PPP2R2B: variants seen among roughly 807,000 people sequenced by gnomAD.
The protein encoded by PPP2R2B is serine/threonine-protein phosphatase 2A 55 kDa regulatory subunit B beta isoform.
In PPP2R2B, 5 loss-of-function variants were observed where a neutral mutation model predicts 46.0. That is an observed-to-expected ratio of 0.11 (90% CI 0.06 to 0.23). PPP2R2B has a LOEUF of 0.23. Ranked by LOEUF, PPP2R2B falls within the 10% of genes least tolerant of loss-of-function variation. The probability of loss-of-function intolerance (pLI) is 1.00; values close to 1 mark genes in which losing one functional copy is unlikely to be tolerated. For missense variants in PPP2R2B, 367 were observed against 575.0 expected, an observed-to-expected ratio of 0.64 and a Z score of 3.70; for synonymous variants, 215 against 206.7, an observed-to-expected ratio of 1.04 and a Z score of -0.34.
intron 2 of PPP2R2B, among the ~76,000 whole-genome samples, chr5:146,795,227 G>C (rs911577581): frequency 2.6e-5 from 4 of 152,030 alleles, no homozygotes; most frequent in Non-Finnish European, 4.4e-5. Context: ...ATCTTGAAGA[G>C]ACATGTAAAC....
intron 1 of PPP2R2B, chr5:147,054,470 G>A (rs1756976951): frequency 3.3e-6 from 1 of 306,098 alleles, no homozygotes; most frequent in East Asian, 7.9e-5. Context: ...TTTTTAAAGG[G>A]AAATGTCCAA....
intron 2 of PPP2R2B, among the ~76,000 whole-genome samples, chr5:146,806,845 C>T (rs1380609910): frequency 6.6e-6 from 1 of 152,208 alleles, no homozygotes; most frequent in Non-Finnish European, 1.5e-5. Flanking sequence ...GACACTGCCG[C>T]CACCTGAGGA....
intron 4 of PPP2R2B, among the ~76,000 whole-genome samples, chr5:146,692,527 ATTTTTTTTTT>A (rs34156552): frequency 9.0e-6 from 1 of 111,066 alleles, no homozygotes; most frequent in Admixed American, 9.4e-5. Context: ...TTTTAATTCA[ATTTTTTTTTT>A]TTTTTTTTTT....
At chr5:147,016,800 A>T (rs1434889039) in intron 1 of PPP2R2B, among the ~76,000 whole-genome samples, 1 of 151,668 alleles carries the variant, frequency 6.6e-6, no homozygotes, top group African/African-American at 2.4e-5. Flanking sequence ...AGGCAAGAAG[A>T]CTTGAAATCC....
intron 1 of PPP2R2B, among the ~76,000 whole-genome samples, chr5:147,007,614 T>C (rs1283699391): frequency 1.3e-5 from 2 of 152,178 alleles, no homozygotes; most frequent in Non-Finnish European, 2.9e-5. Flanking sequence ...CAATAAATCT[T>C]GCTGCTGCTC....
rs370596265 is a variant in PPP2R2B, at chr5:146,929,350, T to A, written c.79+126315A>T. The stretch of plus-strand genomic sequence containing the variant: ...AGTTTCTAGAAATGTGCCTGGCATG[T>A]AATAGACATTCAAAAAACATCTGTT... On this transcript the variant is annotated intron_variant, in intron 1 of 8. Coordinates refer to the PPP2R2B transcript ENST00000336640. 1.6e-4 allele frequency among the ~76,000 whole-genome samples: 24 copies of A among 152,272 alleles called. 1 individual carries two copies. The East Asian group carries it at 1.9e-3, about 12-fold the overall frequency.
chr5:146,956,558 C>T (rs1374874961), intron 1 of PPP2R2B, among the ~76,000 whole-genome samples: 4 of 152,146 alleles, frequency 2.6e-5, no homozygotes, highest in Non-Finnish European at 5.9e-5. Context: ...CTTAAGAGTA[C>T]GCTCCATCTC....
chr5:146,686,289 G>T (rs1778496327), intron 5 of PPP2R2B, among the ~76,000 whole-genome samples: 1 of 152,156 alleles, frequency 6.6e-6, no homozygotes, highest in South Asian at 2.1e-4. Flanking sequence ...GAGGCAGACA[G>T]CGAAGAAAAT....
At chr5:146,983,826 A>AT (rs1021996126) in intron 1 of PPP2R2B, among the ~76,000 whole-genome samples, 30 of 151,326 alleles carry the variant, frequency 2.0e-4, no homozygotes, top group African/African-American at 5.1e-4. Context: ...TTCTTTTATA[A>AT]TTTTTTTTCT....
chr5:147,046,473 A>G (rs892793515), intron 1 of PPP2R2B, among the ~76,000 whole-genome samples: 1 of 152,190 alleles, frequency 6.6e-6, no homozygotes, highest in Non-Finnish European at 1.5e-5. Context: ...CAGAAAACTA[A>G]TGAGCCAGTC....
At chr5:147,078,219 C>T (rs1317927638) in intron 2 of PPP2R2B, among the ~76,000 whole-genome samples, 3 of 152,156 alleles carry the variant, frequency 2.0e-5, no homozygotes, top group African/African-American at 7.2e-5. Flanking sequence ...TAATAGCTTA[C>T]AAATATCGAG....
At chr5:146,714,761 T>G (rs963730656) in intron 2 of PPP2R2B, among the ~76,000 whole-genome samples, 2 of 152,140 alleles carry the variant, frequency 1.3e-5, no homozygotes, top group African/African-American at 4.8e-5. Context: ...ATATCAGCAT[T>G]TCAGAGATCC....
At chr5:146,754,938 C>T (rs775614509) in intron 2 of PPP2R2B, among the ~76,000 whole-genome samples, 2 of 152,138 alleles carry the variant, frequency 1.3e-5, no homozygotes, top group African/African-American at 4.8e-5. Flanking sequence ...CTAGAACCCC[C>T]CAGAGCTTAG....
rs948323876 is a variant in PPP2R2B at position 147,018,748 on chromosome 5, C to T, written c.79+36917G>A. ...GGGTTATGGACTGAATTAGGCAGTG[C>T]TCCATGCTGGCTTTGGACTACCAGC... is the stretch of plus-strand genomic sequence containing the variant. On this transcript the variant is annotated intron_variant, in intron 1 of 8. Transcript: ENST00000336640. Among the ~76,000 whole-genome samples, 14 of 152,256 alleles carry T rather than the reference C, an allele frequency of 9.2e-5. No individual in the cohort carries two copies. In the East Asian group the frequency reaches 2.5e-3, roughly 27 times the overall value.
Position 147,009,864 on chromosome 5 carries a change from TACACACACACAC to T in PPP2R2B, c.79+45789_79+45800del, listed in dbSNP as rs201299020. On this transcript the variant is annotated intron_variant, in intron 1 of 8. Coordinates refer to the PPP2R2B transcript ENST00000336640. The stretch of plus-strand genomic sequence containing the variant: ...ATATTTATATATATACACACACACA[TACACACACACAC>T]ACACACACACACACACACACACATA... 6.6e-5 allele frequency among the ~76,000 whole-genome samples: 9 copies of T among 136,668 alleles called. No individual in the cohort carries two copies. In the East Asian group the frequency reaches 1.5e-3, roughly 22 times the overall value. The allele number at this position is 136,668 out of a possible 152,430, so 89.7% of individuals were successfully genotyped here.
At chr5:146,832,867 C>T (rs531876025) in intron 2 of PPP2R2B, among the ~76,000 whole-genome samples, 1 of 152,036 alleles carries the variant, frequency 6.6e-6, no homozygotes, top group African/African-American at 2.4e-5. Context: ...GGCTATACCA[C>T]CCCAGGTTTG....
At chr5:146,746,939 C>T (rs1328686906) in intron 2 of PPP2R2B, among the ~76,000 whole-genome samples, 3 of 152,166 alleles carry the variant, frequency 2.0e-5, no homozygotes, top group Non-Finnish European at 4.4e-5. Context: ...AATTTTCATT[C>T]GGGTCTCTTG....
chr5:146,830,221 C>T (rs1235858185), intron 2 of PPP2R2B, among the ~76,000 whole-genome samples: 17 of 152,144 alleles, frequency 1.1e-4, no homozygotes. Context: ...CTTCAGTTTA[C>T]TCATCTGTCA....
At chr5:146,926,970 C>T (rs1236134844) in intron 1 of PPP2R2B, among the ~76,000 whole-genome samples, 1 of 152,148 alleles carries the variant, frequency 6.6e-6, no homozygotes, top group African/African-American at 2.4e-5. Flanking sequence ...TTGGTGTCTG[C>T]ACTGCCCAGC....
Sources: allele counts gnomAD v4.1 joint callset (sites outside exome capture counted in the v4.1 genomes callset), GRCh38; gene constraint gnomAD v4.1.1; transcripts MANE v1.5; gene names NCBI Gene and HGNC (gene_info 2026-07-23, HGNC 2026-07-21).